The following LIN28A variants were observed in gnomAD, a reference collection of about 807,000 sequenced individuals.
The protein encoded by LIN28A is lin-28 RNA binding posttranscriptional regulator A.
In LIN28A, 11 loss-of-function variants were observed where a neutral mutation model predicts 21.1. The ratio of observed to expected loss-of-function variants is 0.52; its 90% CI spans 0.33 to 0.86. The LOEUF is 0.86. LIN28A is among the 40% of genes least tolerant of loss of function. The pLI, the probability that LIN28A is intolerant of heterozygous loss-of-function variation, is 0.03. For synonymous variants in LIN28A, 111 were observed against 108.7 expected (o/e 1.02, Z -0.13); for missense variants, 219 against 279.8 (o/e 0.78, Z 1.55).
At chr1:26,424,105 T>G (rs1478282185) in intron 2 of LIN28A, among the ~76,000 whole-genome samples, 1 of 151,964 alleles carries the variant, frequency 6.6e-6, no homozygotes, top group Middle Eastern at 3.2e-3. Context: ...ATTGCTTTGA[T>G]TATAAAAATA....
At chr1:26,412,029 G>A (rs2074963352) in intron 2 of LIN28A, among the ~76,000 whole-genome samples, 1 of 152,226 alleles carries the variant, frequency 6.6e-6, no homozygotes, top group African/African-American at 2.4e-5. Flanking sequence ...ACTGGCTACT[G>A]GACCCAAGGG....
In LIN28A at chr1:26,428,437, T is replaced by C. The variant is rs563649342; in HGVS notation, c.*1979T>C. 1.3e-5 allele frequency: 2 copies of C among 152,284 alleles called. No individual in the cohort carries two copies. The highest frequency in any genetic ancestry group is 4.8e-5 in the African/African-American group (2 of 41,556). 9.4% of individuals were successfully genotyped at this position (152,284 alleles called of 1,614,324 possible). ...ACACATACACATTTCATGCTTGGAGTGTCTCCACAACTCTTAAATGATGTA... is the reference window on the plus strand; with the variant it reads ...ACACATACACATTTCATGCTTGGAGCGTCTCCACAACTCTTAAATGATGTA... On this transcript the variant is annotated 3_prime_UTR_variant, in exon 4 of 4. Coordinates refer to ENST00000326279, the MANE Select transcript of LIN28A (RefSeq NM_024674.6).
At chr1:26,416,639 A>G (rs2074994954) in intron 2 of LIN28A, among the ~76,000 whole-genome samples, 1 of 151,776 alleles carries the variant, frequency 6.6e-6, no homozygotes, top group Non-Finnish European at 1.5e-5. Flanking sequence ...TTTTTTTGAG[A>G]CGGAATCTCT....
At chr1:26,416,929 G>T (rs1005048068) in intron 2 of LIN28A, among the ~76,000 whole-genome samples, 3 of 151,924 alleles carry the variant, frequency 2.0e-5, no homozygotes, top group African/African-American at 7.3e-5. Flanking sequence ...CCAGCGTGGT[G>T]TTATTTAATT....
chr1:26,413,553 C>T (rs78420209), intron 2 of LIN28A, among the ~76,000 whole-genome samples: 2,491 of 152,144 alleles, frequency 0.016, 33 homozygotes, highest in Non-Finnish European at 0.025. Flanking sequence ...CTTGGAACAT[C>T]CAGGAACCCA....
chr1:26,414,820 C>A (rs997878305), intron 2 of LIN28A, among the ~76,000 whole-genome samples: 5 of 152,216 alleles, frequency 3.3e-5, no homozygotes, highest in Non-Finnish European at 7.4e-5. Context: ...GTATGACAAC[C>A]AAAAACATCT....
chr1:26,420,327 G>A (rs751396409), intron 2 of LIN28A, among the ~76,000 whole-genome samples: 2 of 151,942 alleles, frequency 1.3e-5, no homozygotes, highest in African/African-American at 2.4e-5. Context: ...TATTGCACCC[G>A]GCCTGCAATA....
At chr1:26,413,223 C>T (rs1267687303) in intron 2 of LIN28A, among the ~76,000 whole-genome samples, 1 of 152,058 alleles carries the variant, frequency 6.6e-6, no homozygotes, top group Non-Finnish European at 1.5e-5. Context: ...CTGGACAGCT[C>T]CCCCAACTTT....
At chr1:26,418,447 G>A (rs1313470581) in intron 2 of LIN28A, among the ~76,000 whole-genome samples, 2 of 152,004 alleles carry the variant, frequency 1.3e-5, no homozygotes, top group Admixed American at 6.5e-5. Context: ...TCGGCAGGCT[G>A]AGGCAGGAGA....
At chr1:26,421,069 A>G (rs1328108154) in intron 2 of LIN28A, among the ~76,000 whole-genome samples, 1 of 151,232 alleles carries the variant, frequency 6.6e-6, no homozygotes, top group Non-Finnish European at 1.5e-5. Context: ...TAACTGCTTT[A>G]TAAATATCAG....
rs1224130826 is a variant in LIN28A, at chr1:26,426,991, G to T, written c.*533G>T. 1 of 161,760 alleles carries T rather than the reference G, an allele frequency of 6.2e-6. No homozygotes were observed. The highest frequency in any genetic ancestry group is 1.8e-4 in the East Asian group (1 of 5,558). The allele number at this position is 161,760 out of a possible 1,614,324, so 10.0% of individuals were successfully genotyped here. A position where few individuals can be genotyped will look rare whatever the true frequency, so the allele number is the denominator to read the frequency against. On this transcript the variant is annotated 3_prime_UTR_variant, in exon 4 of 4. Coordinates refer to ENST00000326279, the MANE Select transcript of LIN28A (RefSeq NM_024674.6). ...ATGGGTAATGATGATGGCAAAAAGG[G>T]TGTTTGGGGGAACAGCTGCAGACCT...
chr1:26,422,010 C>CTTTT (rs35658483), intron 2 of LIN28A, among the ~76,000 whole-genome samples: 5 of 142,864 alleles, frequency 3.5e-5, no homozygotes, highest in South Asian at 2.2e-4. Flanking sequence ...GAATATTTAT[C>CTTTT]TTTTTTTTTT....
At position 26,426,435 on chromosome 1, in the gene LIN28A, C is replaced by G; in HGVS notation, c.607C>G (p.Leu203Val). Residue 203 changes from leucine (L) to valine (V), a missense_variant, in exon 4 of 4, where the codon CTG becomes GTG. By Grantham distance (32) the Leu-to-Val change is conservative. Coordinates refer to ENST00000326279, the MANE Select transcript of LIN28A (RefSeq NM_024674.6). ...AGAAGAAGAAATCCACAGCCCTACC[C>G]TGCTCCCGGAGGCACAGAATTGAGC... ...EEEEEIHSPT[L>V]LPEAQN The G allele has an allele frequency of 6.2e-7, 1 of 1,614,188 alleles. No homozygotes were observed. The highest frequency in any genetic ancestry group is 8.5e-7 in the Non-Finnish European group (1 of 1,180,000).
chr1:26,423,997 C>T (rs1055256234), intron 2 of LIN28A, among the ~76,000 whole-genome samples: 2 of 150,132 alleles, frequency 1.3e-5, no homozygotes, highest in African/African-American at 2.4e-5. Flanking sequence ...CTCCTGACCT[C>T]GTGATCCCCT....
intron 3 of LIN28A, 70 bp from the exon 4 acceptor site, chr1:26,426,172 C>A: frequency 7.8e-7 from 1 of 1,276,322 alleles, no homozygotes; most frequent in Non-Finnish European, 1.1e-6. Flanking sequence ...CCCAGGTGTC[C>A]TCATTCGTGG....
intron 2 of LIN28A, among the ~76,000 whole-genome samples, chr1:26,413,723 G>C (rs1045211288): frequency 6.6e-6 from 1 of 151,810 alleles, no homozygotes; most frequent in Non-Finnish European, 1.5e-5. Context: ...ATGCCAGAAA[G>C]GCTTGGGTCA....
chr1:26,418,203 C>A (rs944836703), intron 2 of LIN28A, among the ~76,000 whole-genome samples: 2 of 151,792 alleles, frequency 1.3e-5, no homozygotes, highest in African/African-American at 4.8e-5. Flanking sequence ...GATCAGAAGG[C>A]CTAAGTACTT....
At chr1:26,412,882 G>C (rs2074969422) in intron 2 of LIN28A, among the ~76,000 whole-genome samples, 1 of 152,030 alleles carries the variant, frequency 6.6e-6, no homozygotes, top group Admixed American at 6.6e-5. Flanking sequence ...TGGGGCCATG[G>C]GGTCAGTGGG....
Position 26,428,448 on chromosome 1 carries a change from C to G in LIN28A, c.*1990C>G, listed in dbSNP as rs1252221891. 4 of 152,182 alleles carry G rather than the reference C, an allele frequency of 2.6e-5. No homozygotes were observed. Among genetic ancestry groups the G allele is most frequent in the African/African-American group, 4.8e-5 (2 of 41,446 alleles). The allele number at this position is 152,182 out of a possible 1,614,324, so 9.4% of individuals were successfully genotyped here. A position where few individuals can be genotyped will look rare whatever the true frequency, so the allele number is the denominator to read the frequency against. On this transcript the variant is annotated 3_prime_UTR_variant, in exon 4 of 4. Transcript: ENST00000326279. ...TTTCATGCTTGGAGTGTCTCCACAA[C>G]TCTTAAATGATGTATGCAAAAATAC...
Sources: gnomAD v4.1 joint callset for allele counts (sites outside exome capture counted in the v4.1 genomes callset) on GRCh38, gnomAD v4.1.1 for gene constraint, MANE v1.5 for transcripts, NCBI Gene and HGNC (gene_info 2026-07-23, HGNC 2026-07-21) for gene names.